RTCB: variants seen among roughly 807,000 people sequenced by gnomAD.
The protein encoded by RTCB is RNA-splicing ligase RTCB.
A neutral mutation model predicts 58.2 loss-of-function variants in RTCB; 32 were observed. The ratio of observed to expected loss-of-function variants is 0.55; its 90% confidence interval spans 0.41 to 0.74. RTCB has a LOEUF of 0.74. Ranked by LOEUF, RTCB falls within the 30% of genes least tolerant of loss-of-function variation. The pLI is 0.00. For missense variants in RTCB, 523 were observed against 639.0 expected, an observed-to-expected ratio of 0.82 and a Z score of 1.96; for synonymous variants, 247 against 218.6, an observed-to-expected ratio of 1.13 and a Z score of -1.15.
chr22:32,407,914 T>C, intron 3 of RTCB: 1 of 446,318 alleles, frequency 2.2e-6, no homozygotes, highest in East Asian at 3.7e-5. Flanking sequence ...GCATGTGACA[T>C]CACACCTGAC....
At chr22:32,397,363 C>A (rs941488938) in intron 7 of RTCB, among the ~76,000 whole-genome samples, 2 of 152,242 alleles carry the variant, frequency 1.3e-5, no homozygotes, top group African/African-American at 2.4e-5. Flanking sequence ...CAGCTCAACA[C>A]TGGGTCCATG....
In RTCB at chr22:32,399,536, T is replaced by G. The variant is rs146048475; in HGVS notation, c.654+67A>C. 422 of 1,440,292 alleles carry G rather than the reference T, an allele frequency of 2.9e-4. 4 individuals carry two copies. The African/African-American group carries it at 5.3e-3, about 18-fold the overall frequency. 89.2% of individuals were successfully genotyped at this position (1,440,292 alleles called of 1,614,324 possible). On this transcript the variant is annotated intron_variant, in intron 6 of 11. Transcript: ENST00000216038. The stretch of plus-strand genomic sequence containing the variant: ...TGTTTGCTAAATGTAAGATATAGAT[T>G]TTTTTCCCCCAATAAAAACAAAATA...
rs757581327 is a variant in RTCB, at chr22:32,393,982, G to A, written c.1200C>T (p.Leu400=). The change falls in exon 10 of 12, where the codon CTC becomes CTT. Residue 400 remains leucine, a synonymous_variant. Coordinates refer to ENST00000216038, the MANE Select transcript of RTCB (RefSeq NM_014306.5). ...TACAGGTTCCCATGGTGCCACCAAT[G>A]AGCACTGGCTGTCCAGTGAGCTGAG... The part of the protein sequence containing the change: ...VDYQLTGQPV[L]IGGTMGTCSY... 2.5e-6 allele frequency: 4 copies of A among 1,613,176 alleles called. No individual in the cohort carries two copies. In the East Asian group the frequency reaches 8.9e-5, roughly 36 times the overall value.
intron 11 of RTCB, among the ~76,000 whole-genome samples, chr22:32,390,492 A>T (rs1933135784): frequency 6.6e-6 from 1 of 150,704 alleles, no homozygotes; most frequent in African/African-American, 2.4e-5. Flanking sequence ...TCTGTCGCCC[A>T]GGCTGGAGTG....
chr22:32,412,234 C>A lies in RTCB; in HGVS notation c.-78G>T. On this transcript the variant is annotated 5_prime_UTR_variant, in exon 1 of 12. Transcript: ENST00000216038. ...CGCGTAGTCCGGCTTCTCAGAGCAC[C>A]GCCTTCCAAGAACCAAAGCGCAGGC... The A allele has an allele frequency of 1.6e-6, 2 of 1,258,000 alleles. No homozygotes were observed. The highest frequency in any genetic ancestry group is 2.1e-4 in the Middle Eastern group (1 of 4,856). The allele number at this position is 1,258,000 out of a possible 1,614,324, so 77.9% of individuals were successfully genotyped here. A position where few individuals can be genotyped will look rare whatever the true frequency, so the allele number is the denominator to read the frequency against.
chr22:32,410,455 T>TAAGG (rs150165508), intron 1 of RTCB, among the ~76,000 whole-genome samples: 21,147 of 152,100 alleles, frequency 0.14, 2,333 homozygotes, highest in East Asian at 0.45. Context: ...ACTGCTCTCA[T>TAAGG]ATGGAAGCAC....
At chr22:32,402,809 A>G (rs1322858440) in intron 4 of RTCB, among the ~76,000 whole-genome samples, 1 of 152,152 alleles carries the variant, frequency 6.6e-6, no homozygotes, top group African/African-American at 2.4e-5. Flanking sequence ...GCAGTGGAGT[A>G]ATCATAGCTC....
At position 32,388,007 on chromosome 22, in the gene RTCB, A is replaced by G. The variant is rs1316519467; in HGVS notation, c.1503T>C (p.Ala501=). Reference sequence around the variant, plus strand: ...GTCCAAGGTTCTATCCTTTGATCACAGCAATTGGTCTCAGTTTAATGGCTT... The same window carrying G: ...GTCCAAGGTTCTATCCTTTGATCACGGCAATTGGTCTCAGTTTAATGGCTT... ...SKKAIKLRPI[A]VIKG is the part of the protein sequence containing the mutation. Residue 501 remains alanine, a synonymous_variant, in exon 12 of 12, where the codon GCT becomes GCC. Coordinates refer to ENST00000216038, the MANE Select transcript of RTCB (RefSeq NM_014306.5). The G allele has an allele frequency of 1.9e-6, 3 of 1,612,398 alleles. No individual in the cohort carries two copies. The highest frequency in any genetic ancestry group is 2.5e-6 in the Non-Finnish European group (3 of 1,178,418).
At chr22:32,397,563 A>G (rs1933266991) in intron 7 of RTCB, among the ~76,000 whole-genome samples, 1 of 152,178 alleles carries the variant, frequency 6.6e-6, no homozygotes, top group Non-Finnish European at 1.5e-5. Flanking sequence ...CAGAGCAGGT[A>G]TATGATACAT....
At chr22:32,408,347 C>T (rs766889470) in intron 2 of RTCB, 105 bp from the exon 3 acceptor site, 29 of 872,850 alleles carry the variant, frequency 3.3e-5, no homozygotes, top group Non-Finnish European at 5.2e-5. Flanking sequence ...GTCATTAGGG[C>T]TACTAAGACA....
intron 11 of RTCB, among the ~76,000 whole-genome samples, chr22:32,388,380 A>C (rs1277556780): frequency 1.3e-5 from 2 of 152,172 alleles, no homozygotes; most frequent in Non-Finnish European, 2.9e-5. Flanking sequence ...GTAAGTAAAT[A>C]AAACACACAC....
At chr22:32,399,501 C>T in intron 6 of RTCB, 102 bp downstream of exon 6, 1 of 1,116,786 alleles carries the variant, frequency 9.0e-7, no homozygotes, top group Non-Finnish European at 1.3e-6. Context: ...CATAAAAAAA[C>T]CTGGGAATAT....
chr22:32,408,106 G>T, intron 3 of RTCB, 69 bp downstream of exon 3: 1 of 1,355,592 alleles, frequency 7.4e-7, no homozygotes, highest in Non-Finnish European at 1.1e-6. Flanking sequence ...CCACTATCAG[G>T]CATGGCCATT....
In RTCB at chr22:32,399,613, C is replaced by T. The variant is rs1246343931; in HGVS notation, c.644G>A (p.Gly215Asp). 6.2e-7 allele frequency: 1 copy of T among 1,611,874 alleles called. No homozygotes were observed. The change falls in exon 6 of 12, where the codon GGC becomes GAC. Residue 215 changes from glycine (G) to aspartate (D), a missense_variant. Around this residue, in one of 3 missense-constraint regions of RTCB, gnomAD observed 141 missense variants for 216.7 expected, o/e 0.65. Coordinates refer to ENST00000216038, the MANE Select transcript of RTCB (RefSeq NM_014306.5). ...NKVSARAKKR[G>D]LPQLGTLGAG... ...TCCAAAGTGAGTTACCTGAGGAAGG[C>T]CTCTTTTCTTCGCCCTTGCAGAAAC...
chr22:32,401,601 C>T (rs1426351158), intron 5 of RTCB, 146 bp downstream of exon 5: 1 of 839,100 alleles, frequency 1.2e-6, no homozygotes, highest in African/African-American at 1.7e-5. Context: ...TGGGCTGTAC[C>T]TCATGCTTAA....
chr22:32,400,397 G>T (rs543121198), intron 5 of RTCB, among the ~76,000 whole-genome samples: 1 of 151,822 alleles, frequency 6.6e-6, no homozygotes, highest in Non-Finnish European at 1.5e-5. Flanking sequence ...AACACTGCCA[G>T]GAAAAACTAC....
At chr22:32,399,374 C>A (rs1173746801) in intron 6 of RTCB, among the ~76,000 whole-genome samples, 1 of 151,852 alleles carries the variant, frequency 6.6e-6, no homozygotes, top group Non-Finnish European at 1.5e-5. Flanking sequence ...GAACTCCTGG[C>A]CTCAAGCGAA....
chr22:32,407,599 T>TA (rs1933449715), intron 3 of RTCB: 1 of 152,304 alleles, frequency 6.6e-6, no homozygotes, highest in Non-Finnish European at 1.5e-5. Flanking sequence ...CAATGAAACT[T>TA]ACAATGGTGG....
intron 1 of RTCB, among the ~76,000 whole-genome samples, chr22:32,409,201 TA>T (rs10640693): frequency 1.3e-5 from 2 of 149,392 alleles, no homozygotes; most frequent in African/African-American, 2.5e-5. Context: ...TTTTGAAAAT[TA>T]AAAAAAAAAA....
Sources: allele counts gnomAD v4.1 joint callset (sites outside exome capture counted in the v4.1 genomes callset), GRCh38; gene constraint gnomAD v4.1.1; regional missense constraint gnomAD v4.1.1; transcripts MANE v1.5; gene names NCBI Gene and HGNC (gene_info 2026-07-23, HGNC 2026-07-21).